The following RBFOX1 variants were observed in gnomAD, a reference collection of about 807,000 sequenced individuals.
RBFOX1 encodes the protein RNA binding fox-1 homolog 1, also known as RNA binding protein fox-1 homolog 1.
RBFOX1 carries 8 observed loss-of-function variants against 57.7 expected under a neutral mutation model. The ratio of observed to expected loss-of-function variants is 0.14; its 90% CI spans 0.08 to 0.25. The LOEUF is 0.25. Ranked by LOEUF, RBFOX1 falls within the 10% of genes least tolerant of loss-of-function variation. RBFOX1 has a pLI of 1.00. For synonymous variants in RBFOX1, 326 were observed against 222.4 expected (o/e 1.47, Z -4.15); for missense variants, 611 against 548.5 (o/e 1.11, Z -1.14).
At chr16:6,704,222 T>A (rs2062328121) in intron 3 of RBFOX1, 1 of 152,252 alleles carries the variant, frequency 6.6e-6, no homozygotes, top group Non-Finnish European at 1.5e-5. Flanking sequence ...CCTGCCTAAC[T>A]TTCACGCAGC....
chr16:6,822,889 A>T (rs139097534), intron 3 of RBFOX1, among the ~76,000 whole-genome samples: 1 of 152,218 alleles, frequency 6.6e-6, no homozygotes, highest in Non-Finnish European at 1.5e-5. Flanking sequence ...CATAAAGGGC[A>T]TGCATTAATA....
chr16:6,479,944 G>A (rs1056975657), intron 2 of RBFOX1, among the ~76,000 whole-genome samples: 1 of 151,706 alleles, frequency 6.6e-6, no homozygotes, highest in Admixed American at 6.6e-5. Context: ...TCAGCTACTC[G>A]GGAGGCTGAG....
intron 14 of RBFOX1, among the ~76,000 whole-genome samples, chr16:7,688,992 A>C (rs2076746238): frequency 6.6e-6 from 1 of 152,084 alleles, no homozygotes; most frequent in African/African-American, 2.4e-5. Context: ...TCTTGAGCCA[A>C]GCCAACTGTG....
chr16:6,317,337 G>A (rs2081233557), intron 2 of RBFOX1, among the ~76,000 whole-genome samples: 1 of 152,070 alleles, frequency 6.6e-6, no homozygotes, highest in Non-Finnish European at 1.5e-5. Context: ...AATAAAATGT[G>A]TTTTTGGTTT....
At chr16:5,546,217 G>T (rs895874867) in intron 2 of RBFOX1, among the ~76,000 whole-genome samples, 4 of 152,130 alleles carry the variant, frequency 2.6e-5, no homozygotes, top group Non-Finnish European at 5.9e-5. Flanking sequence ...AGAAAACACT[G>T]AATATTGTTA....
At chr16:5,559,161 C>T (rs10852660) in intron 2 of RBFOX1, among the ~76,000 whole-genome samples, 90,179 of 125,044 alleles carry the variant, frequency 0.72, 31,578 homozygotes, top group South Asian at 0.83. Flanking sequence ...AGAACCCCCC[C>T]AGGCAAAAAA....
At chr16:5,674,197 C>T (rs1231568127) in intron 3 of RBFOX1, among the ~76,000 whole-genome samples, 2 of 152,136 alleles carry the variant, frequency 1.3e-5, no homozygotes, top group African/African-American at 4.8e-5. Context: ...ACAGGTATAC[C>T]AAATGTTATT....
At chr16:5,964,746 T>C (rs2059811759) in intron 4 of RBFOX1, among the ~76,000 whole-genome samples, 2 of 152,156 alleles carry the variant, frequency 1.3e-5, no homozygotes, top group South Asian at 4.1e-4. Flanking sequence ...TCTTAGGTTA[T>C]GTGTGTGTAT....
At chr16:7,627,651 T>G (rs966970099) in intron 10 of RBFOX1, among the ~76,000 whole-genome samples, 3 of 152,200 alleles carry the variant, frequency 2.0e-5, no homozygotes, top group African/African-American at 7.2e-5. Flanking sequence ...TGCTTGTACC[T>G]TATTACCTAT....
chr16:6,681,734 T>C (rs1454807862), intron 3 of RBFOX1, among the ~76,000 whole-genome samples: 1 of 151,950 alleles, frequency 6.6e-6, no homozygotes, highest in Non-Finnish European at 1.5e-5. Flanking sequence ...ACGATATTGA[T>C]AATAATATAA....
intron 3 of RBFOX1, among the ~76,000 whole-genome samples, chr16:5,775,892 CT>C (rs2054131348): frequency 6.6e-6 from 1 of 152,168 alleles, no homozygotes; most frequent in South Asian, 2.1e-4. Flanking sequence ...GACAATTGTT[CT>C]CCTTTTTTAA....
intron 2 of RBFOX1, among the ~76,000 whole-genome samples, chr16:6,598,783 T>C (rs1272355358): frequency 6.6e-6 from 1 of 151,896 alleles, no homozygotes; most frequent in Non-Finnish European, 1.5e-5. Context: ...CTGTCTCTAC[T>C]AAAAATACAA....
intron 3 of RBFOX1, among the ~76,000 whole-genome samples, chr16:6,923,059 A>G (rs191417456): frequency 6.6e-6 from 1 of 152,312 alleles, no homozygotes; most frequent in East Asian, 1.9e-4. Flanking sequence ...GGCTGTTTAT[A>G]CAAGAGCTGT....
chr16:6,693,870 C>T (rs1026735951), intron 3 of RBFOX1, among the ~76,000 whole-genome samples: 2 of 152,242 alleles, frequency 1.3e-5, no homozygotes, highest in African/African-American at 4.8e-5. Context: ...TTAGTGTTCA[C>T]AGAGTGCCAT....
intron 1 of RBFOX1, among the ~76,000 whole-genome samples, chr16:6,145,403 A>G (rs1456277708): frequency 1.3e-5 from 2 of 152,208 alleles, no homozygotes; most frequent in African/African-American, 4.8e-5. Flanking sequence ...TCCATGGTGT[A>G]TATGTACCAT....
chr16:6,290,929 T>C (rs1464621672), intron 1 of RBFOX1, among the ~76,000 whole-genome samples: 2 of 152,152 alleles, frequency 1.3e-5, no homozygotes, highest in East Asian at 1.9e-4. Context: ...AAAGAATGGC[T>C]ACTCCATAGA....
At chr16:7,112,653 A>G (rs980867883) in intron 4 of RBFOX1, among the ~76,000 whole-genome samples, 2 of 94,800 alleles carry the variant, frequency 2.1e-5, no homozygotes, top group Non-Finnish European at 4.9e-5. Flanking sequence ...TGCAGCCTCA[A>G]TATGTAAACT....
rs147537408 is a variant in RBFOX1 at position 5,725,393 on chromosome 16, A to C, written c.318+126432A>C. ...TGAGTAACTGGAACTACAGGCATGC[A>C]CCACTGCCCCCAGCTAATTGCTTTT... On this transcript the variant is annotated intron_variant, in intron 3 of 19. Coordinates refer to the RBFOX1 transcript ENST00000641259. 3.5e-3 allele frequency among the ~76,000 whole-genome samples: 525 copies of C among 152,068 alleles called. 3 individuals are homozygous for C. Among genetic ancestry groups the C allele is most frequent in the African/African-American group, 0.011 (452 of 41,486 alleles).
chr16:7,302,865 T>G (rs1296434579), intron 4 of RBFOX1, among the ~76,000 whole-genome samples: 1 of 151,962 alleles, frequency 6.6e-6, no homozygotes, highest in Non-Finnish European at 1.5e-5. Context: ...GAATAATTAT[T>G]ACTTCATAAA....
Sources: gnomAD v4.1 joint callset for allele counts (sites outside exome capture counted in the v4.1 genomes callset) on GRCh38, gnomAD v4.1.1 for gene constraint, MANE v1.5 for transcripts, NCBI Gene and HGNC (gene_info 2026-07-23, HGNC 2026-07-21) for gene names.